TRIM37: variants seen among roughly 807,000 people sequenced by gnomAD.
TRIM37 encodes the protein tripartite motif containing 37, also known as E3 ubiquitin-protein ligase TRIM37.
TRIM37 carries 80 observed loss-of-function variants against 129.8 expected under a neutral mutation model. The ratio of observed to expected loss-of-function variants is 0.62; its 90% CI spans 0.51 to 0.74. The LOEUF (loss-of-function observed/expected upper bound fraction) is 0.74. TRIM37 is among the 30% of genes least tolerant of loss of function. The pLI is 0.00. For synonymous variants in TRIM37, 389 were observed against 387.1 expected, an observed-to-expected ratio of 1.00 and a Z score of -0.06; for missense variants, 1,054 against 1,176.5, an observed-to-expected ratio of 0.90 and a Z score of 1.52.
chr17:59,091,541 GTATAATATATTA>G, intron 2 of TRIM37, among the ~76,000 whole-genome samples: 1 of 15,250 alleles, frequency 6.6e-5, no homozygotes, highest in South Asian at 1.4e-3. Context: ...GTATAATAAT[GTATAATATATTA>G]TACATTATAT....
intron 19 of TRIM37, among the ~76,000 whole-genome samples, chr17:59,022,655 G>C (rs1046944792): frequency 7.9e-5 from 12 of 152,130 alleles, no homozygotes; most frequent in African/African-American, 2.9e-4. Context: ...ATGTGACTTA[G>C]AATAGTTAGA....
intron 24 of TRIM37, among the ~76,000 whole-genome samples, chr17:58,987,026 G>A (rs561666827): frequency 2.0e-5 from 3 of 152,252 alleles, no homozygotes; most frequent in Non-Finnish European, 4.4e-5. Flanking sequence ...ATGCTGAGCT[G>A]TAGGATGCTG....
At chr17:59,064,198 C>G (rs2041740232) in intron 10 of TRIM37, 157 bp downstream of exon 10, 1 of 651,542 alleles carries the variant, frequency 1.5e-6, no homozygotes, top group Admixed American at 3.0e-5. Flanking sequence ...TATAATCCAG[C>G]ACAAATTATC....
chr17:58,992,120 A>C (rs934993472), intron 24 of TRIM37, among the ~76,000 whole-genome samples: 4 of 151,802 alleles, frequency 2.6e-5, no homozygotes, highest in African/African-American at 9.7e-5. Flanking sequence ...TTATGATCAG[A>C]GTTTCATTAT....
chr17:59,054,516 G>C (rs1281913495), intron 13 of TRIM37, among the ~76,000 whole-genome samples: 2 of 152,106 alleles, frequency 1.3e-5, no homozygotes, highest in Non-Finnish European at 2.9e-5. Context: ...TGCCCAGGCT[G>C]ATCTTGAACT....
chr17:59,088,202 A>G, intron 4 of TRIM37, 89 bp downstream of exon 4: 2 of 810,792 alleles, frequency 2.5e-6, no homozygotes, highest in Admixed American at 3.9e-5. Context: ...TTATTCATAA[A>G]TAACTAAAAG....
At chr17:59,063,242 C>T (rs144021333) in intron 10 of TRIM37, among the ~76,000 whole-genome samples, 11 of 151,896 alleles carry the variant, frequency 7.2e-5, no homozygotes, top group African/African-American at 2.4e-4. Flanking sequence ...CGCAGTGGCA[C>T]GATCTCAGCT....
intron 3 of TRIM37, among the ~76,000 whole-genome samples, chr17:59,089,626 T>G (rs908561677): frequency 6.6e-6 from 1 of 151,832 alleles, no homozygotes; most frequent in African/African-American, 2.4e-5. Flanking sequence ...GGCGAAAGAG[T>G]GAGACTCCAT....
At chr17:59,012,220 A>AGCG (rs1480670823) in intron 22 of TRIM37, 108 bp downstream of exon 22, 3 of 728,086 alleles carry the variant, frequency 4.1e-6, no homozygotes, top group Non-Finnish European at 7.2e-6. Context: ...TACCACCAGC[A>AGCG]GCAGCAGCAC....
chr17:59,017,538 G>C, intron 19 of TRIM37, 114 bp from the exon 20 acceptor site: 1 of 1,418,170 alleles, frequency 7.1e-7, no homozygotes, highest in Non-Finnish European at 9.9e-7. Context: ...TCTCTCTACT[G>C]TCTAAAAATA....
At chr17:59,042,716 T>C (rs1310800065) in intron 16 of TRIM37, among the ~76,000 whole-genome samples, 4 of 151,352 alleles carry the variant, frequency 2.6e-5, no homozygotes, top group South Asian at 4.2e-4. Context: ...TGAGCCAAGA[T>C]TGCACTACTG....
At chr17:59,080,194 T>A (rs1354573623) in intron 6 of TRIM37, among the ~76,000 whole-genome samples, 1 of 152,244 alleles carries the variant, frequency 6.6e-6, no homozygotes, top group South Asian at 2.1e-4. Context: ...AAACCTCATT[T>A]ATGACTGTCA....
At chr17:59,104,141 T>G (rs140219872) in intron 2 of TRIM37, 152 bp downstream of exon 2, 5 of 670,780 alleles carry the variant, frequency 7.5e-6, no homozygotes, top group African/African-American at 7.3e-5. Context: ...AGGCAGGCAA[T>G]TTGTCATTTA....
chr17:59,014,968 T>C (rs1157708666), intron 21 of TRIM37, among the ~76,000 whole-genome samples: 1 of 148,682 alleles, frequency 6.7e-6, no homozygotes, highest in Non-Finnish European at 1.5e-5. Context: ...CCTGGCTACT[T>C]GGAGAGGCTG....
the TRIM37 span, among the ~76,000 whole-genome samples, chr17:58,975,282 C>T: frequency 2.6e-5 from 4 of 152,336 alleles, no homozygotes; most frequent in East Asian, 7.7e-4. Flanking sequence ...ACAGAACTAA[C>T]TTAATAGAGA....
At chr17:58,986,624 T>C (rs2031844481) in intron 24 of TRIM37, among the ~76,000 whole-genome samples, 1 of 151,842 alleles carries the variant, frequency 6.6e-6, no homozygotes, top group African/African-American at 2.4e-5. Flanking sequence ...GCAATTCTTG[T>C]GCCTCAGCCT....
chr17:58,994,327 TAGAC>T (rs1177237992), downstream of TRIM37, among the ~76,000 whole-genome samples: 14 of 152,290 alleles, frequency 9.2e-5, no homozygotes, highest in South Asian at 4.1e-4. Flanking sequence ...CAACCAACAA[TAGAC>T]AGAATTTATT....
intron 12 of TRIM37, among the ~76,000 whole-genome samples, chr17:59,058,394 G>T (rs2041167972): frequency 6.6e-6 from 1 of 152,108 alleles, no homozygotes; most frequent in African/African-American, 2.4e-5. Flanking sequence ...GGCAGAGGGT[G>T]GGAAAAAGGA....
At chr17:59,022,833 G>A (rs1192663114) in intron 19 of TRIM37, among the ~76,000 whole-genome samples, 1 of 150,338 alleles carries the variant, frequency 6.7e-6, no homozygotes, top group Non-Finnish European at 1.5e-5. Flanking sequence ...TCAAGGAAAT[G>A]GTATATTAAA....
Sources: gnomAD v4.1 joint callset for allele counts (sites outside exome capture counted in the v4.1 genomes callset) on GRCh38, gnomAD v4.1.1 for gene constraint, MANE v1.5 for transcripts, NCBI Gene and HGNC (gene_info 2026-07-23, HGNC 2026-07-21) for gene names.